STAC: variants seen among roughly 807,000 people sequenced by gnomAD.
The protein encoded by STAC is SH3 and cysteine-rich domain-containing protein.
A neutral mutation model predicts 48.8 loss-of-function variants in STAC; 43 were observed. The observed-to-expected ratio is 0.88, with a 90% CI of 0.69 to 1.14. The LOEUF (loss-of-function observed/expected upper bound fraction) is 1.14. Ranked by LOEUF, STAC falls within the 50% of genes most tolerant of loss-of-function variation. The pLI is 0.00. For missense variants in STAC, 497 were observed against 504.0 expected (o/e 0.99, Z 0.13); for synonymous variants, 193 against 179.5 (o/e 1.07, Z -0.60).
Position 36,443,544 on chromosome 3 carries a change from AG to A in STAC, c.295del (p.Ala99LeufsTer29), listed in dbSNP as rs761072049. On this transcript the variant is annotated frameshift_variant, in exon 2 of 11. Coordinates refer to ENST00000273183, the MANE Select transcript of STAC (RefSeq NM_003149.3). LOFTEE classifies it high-confidence loss of function. This position sits in a 1 kb window ranked among gnomAD's most constrained non-coding sequence, Gnocchi z 4.2. ...AGGAAGCCTGACGTCCACACCCGCCAGGGCTGGTCTGCATCCAGGTGGCAAG... is the reference window on the plus strand; with the variant it reads ...AGGAAGCCTGACGTCCACACCCGCCAGGCTGGTCTGCATCCAGGTGGCAAG... ...APGSLTSTPARAGLHPGGKAH... is the reference protein window; with the variant it reads ...APGSLTSTPAXAGLHPGGKAH... The A allele has an allele frequency of 1.9e-6, 3 of 1,614,060 alleles. No individual in the cohort carries two copies. The East Asian group carries it at 6.7e-5, about 36-fold the overall frequency.
chr3:36,430,765 G>A (rs1183587532), intron 1 of STAC, among the ~76,000 whole-genome samples: 1 of 152,006 alleles, frequency 6.6e-6, no homozygotes, highest in East Asian at 1.9e-4. Flanking sequence ...TTTCTTCTGG[G>A]GCCTTTCTCC....
In STAC at chr3:36,463,183, CTT is replaced by C. The variant is rs556819988; in HGVS notation, c.388+19548_388+19549del. On this transcript the variant is annotated intron_variant, in intron 2 of 10. Coordinates refer to ENST00000273183, the MANE Select transcript of STAC (RefSeq NM_003149.3). ...GCAACTTATAAAATTAATTAAGAAG[CTT>C]TTTTGTTATATTGTGCAACTTCATA... 3.3e-5 allele frequency among the ~76,000 whole-genome samples: 5 copies of C among 152,192 alleles called. No individual in the cohort carries two copies. In the South Asian group the frequency reaches 1.0e-3, roughly 32 times the overall value.
intron 8 of STAC, among the ~76,000 whole-genome samples, chr3:36,526,254 C>G (rs935989705): frequency 5.9e-5 from 9 of 152,128 alleles, no homozygotes; most frequent in South Asian, 2.1e-4. Flanking sequence ...TATTCACCCC[C>G]CCTCCCCATA....
chr3:36,399,080 C>CT (rs879542304), intron 1 of STAC, among the ~76,000 whole-genome samples: 11 of 151,604 alleles, frequency 7.3e-5, no homozygotes, highest in African/African-American at 1.5e-4. Context: ...TATGGCAGGA[C>CT]TTTTTTTTTA....
At chr3:36,389,606 TAAG>T (rs1017996519) in intron 1 of STAC, among the ~76,000 whole-genome samples, 1 of 152,226 alleles carries the variant, frequency 6.6e-6, no homozygotes, top group Non-Finnish European at 1.5e-5. Flanking sequence ...AGCTGGCACA[TAAG>T]AAATTCATTT....
intron 5 of STAC, among the ~76,000 whole-genome samples, chr3:36,486,547 T>C (rs754864622): frequency 6.6e-6 from 1 of 152,212 alleles, no homozygotes; most frequent in Non-Finnish European, 1.5e-5. Flanking sequence ...AGATAACATA[T>C]GAGTCAACAT....
intron 6 of STAC, among the ~76,000 whole-genome samples, chr3:36,499,735 G>A (rs576427545): frequency 1.3e-5 from 2 of 151,404 alleles, no homozygotes; most frequent in Non-Finnish European, 2.9e-5. Context: ...TAAAACATAA[G>A]GATGTAGAAA....
chr3:36,512,131 G>A (rs1575252191), intron 8 of STAC, among the ~76,000 whole-genome samples: 1 of 152,134 alleles, frequency 6.6e-6, no homozygotes, highest in East Asian at 1.9e-4. Flanking sequence ...TTAAGGTCTT[G>A]TACATCTGAG....
chr3:36,447,992 T>C (rs1209927886), intron 2 of STAC, among the ~76,000 whole-genome samples: 1 of 152,192 alleles, frequency 6.6e-6, no homozygotes, highest in Non-Finnish European at 1.5e-5. Context: ...CTCAGTAGTT[T>C]GCCCAGTGCA....
chr3:36,385,745 T>A (rs1699602907), intron 1 of STAC, among the ~76,000 whole-genome samples: 1 of 152,124 alleles, frequency 6.6e-6, no homozygotes, highest in Non-Finnish European at 1.5e-5. Flanking sequence ...TTTGATAAAT[T>A]GAATCATACA....
At chr3:36,485,395 G>T (rs924166262) in intron 4 of STAC, among the ~76,000 whole-genome samples, 1 of 152,204 alleles carries the variant, frequency 6.6e-6, no homozygotes, top group Admixed American at 6.5e-5. Flanking sequence ...ATTGACAACT[G>T]TGTGTCTTTG....
At chr3:36,483,181 C>G in intron 3 of STAC, 89 bp downstream of exon 3, 1 of 1,002,932 alleles carries the variant, frequency 1.0e-6, no homozygotes, top group South Asian at 1.5e-5. Flanking sequence ...AAATCCTTCC[C>G]TGAAACCCTG....
intron 8 of STAC, among the ~76,000 whole-genome samples, chr3:36,518,269 A>G (rs973395390): frequency 2.0e-5 from 3 of 152,236 alleles, no homozygotes; most frequent in African/African-American, 4.8e-5. Context: ...GAGTAAATAA[A>G]AGATTTAAAG....
chr3:36,538,627 A>T (rs1027680732), intron 10 of STAC, among the ~76,000 whole-genome samples: 4 of 152,128 alleles, frequency 2.6e-5, no homozygotes, highest in African/African-American at 9.7e-5. Flanking sequence ...CTCACACCAG[A>T]TGTTCATGAG....
intron 2 of STAC, among the ~76,000 whole-genome samples, chr3:36,472,682 T>A (rs1393305314): frequency 6.6e-6 from 1 of 152,240 alleles, no homozygotes; most frequent in African/African-American, 2.4e-5. Context: ...GTCTCTTTGC[T>A]AAAACATAAC....
chr3:36,410,218 C>CTA (rs1196847574), intron 1 of STAC, among the ~76,000 whole-genome samples: 1 of 152,078 alleles, frequency 6.6e-6, no homozygotes, highest in African/African-American at 2.4e-5. Context: ...GTACATATTA[C>CTA]TATATATATA....
chr3:36,457,665 C>T (rs1279581775), intron 2 of STAC, among the ~76,000 whole-genome samples: 2 of 152,158 alleles, frequency 1.3e-5, no homozygotes, highest in Non-Finnish European at 2.9e-5. Context: ...AAGAAGACAG[C>T]ATAGCAGATA....
intron 10 of STAC, among the ~76,000 whole-genome samples, chr3:36,532,684 G>A (rs959143931): frequency 6.6e-6 from 1 of 152,126 alleles, no homozygotes; most frequent in Non-Finnish European, 1.5e-5. Context: ...TGACCACTCT[G>A]TCTCCCATAA....
At chr3:36,401,559 C>T (rs750036596) in intron 1 of STAC, among the ~76,000 whole-genome samples, 1 of 152,150 alleles carries the variant, frequency 6.6e-6, no homozygotes, top group Non-Finnish European at 1.5e-5. Flanking sequence ...GGAAGAGCTG[C>T]AGCCATAGAC....
Sources: gnomAD v4.1 joint callset for allele counts (sites outside exome capture counted in the v4.1 genomes callset) on GRCh38, gnomAD v4.1.1 for gene constraint, Gnocchi (gnomAD v3.1) non-coding constraint, MANE v1.5 for transcripts, NCBI Gene and HGNC (gene_info 2026-07-23, HGNC 2026-07-21) for gene names.